Variants in RNF212 observed in about 807,000 individuals in gnomAD.
The protein encoded by RNF212 is probable E3 SUMO-protein ligase RNF212.
In RNF212, 33 loss-of-function variants were observed where a neutral mutation model predicts 34.7. That is an observed-to-expected ratio of 0.95 (90% CI 0.72 to 1.27). The LOEUF (loss-of-function observed/expected upper bound fraction) is 1.27, where lower values mean the gene tolerates loss of function less well. RNF212 is among the 50% of genes most tolerant of loss of function. RNF212 has a pLI of 0.00. For synonymous variants in RNF212, 140 were observed against 136.1 expected (o/e 1.03, Z -0.20); for missense variants, 377 against 362.2 (o/e 1.04, Z -0.33).
intron 4 of RNF212, among the ~76,000 whole-genome samples, chr4:1,058,017 T>C (rs747050608): frequency 3.3e-5 from 5 of 150,654 alleles, no homozygotes; most frequent in Non-Finnish European, 7.4e-5. Context: ...GCCAAGATGG[T>C]GCTACTGCAC....
Position 1,072,720 on chromosome 4 carries a change from T to C in RNF212, c.*154A>G, listed in dbSNP as rs764125145. ...GTCTCTAAAATTCAAAGGTCAAATA[T>C]AAAATTACAAAGCAAATTGGGTAAA... On this transcript the variant is annotated 3_prime_UTR_variant, in exon 10 of 10. Coordinates refer to ENST00000433731, the MANE Select transcript of RNF212 (RefSeq NM_001131034.4). The C allele has an allele frequency of 1.1e-5, 15 of 1,407,630 alleles. No individual in the cohort carries two copies. The highest frequency in any genetic ancestry group is 3.0e-5 in the Admixed American group (1 of 32,800). The allele number at this position is 1,407,630 out of a possible 1,614,324, so 87.2% of individuals were successfully genotyped here. A position where few individuals can be genotyped will look rare whatever the true frequency, so the allele number is the denominator to read the frequency against.
At chr4:1,099,960 T>C (rs2153058958) in intron 2 of RNF212, 1 of 442,690 alleles carries the variant, frequency 2.3e-6, no homozygotes, top group South Asian at 1.6e-5. Flanking sequence ...TCATGGAGGC[T>C]GATGCAGCCA....
chr4:1,065,742 A>C (rs1718051743), intron 3 of RNF212, among the ~76,000 whole-genome samples: 1 of 151,754 alleles, frequency 6.6e-6, no homozygotes, highest in Admixed American at 6.6e-5. Context: ...GTGTGCCACC[A>C]CACCTGGCTA....
intron 4 of RNF212, among the ~76,000 whole-genome samples, chr4:1,056,685 C>T (rs146148253): frequency 1.3e-5 from 2 of 152,340 alleles, no homozygotes; most frequent in African/African-American, 4.8e-5. Context: ...AACATTACTG[C>T]GTTTCTGAAC....
Position 1,072,063 on chromosome 4 carries a change from A to G in RNF212, c.*811T>C, listed in dbSNP as rs1718552587. On this transcript the variant is annotated 3_prime_UTR_variant, in exon 10 of 10. Coordinates refer to ENST00000433731, the MANE Select transcript of RNF212 (RefSeq NM_001131034.4). ...TGGATGAACTATGATACATCCAGAT[A>G]ATGGAATATTATTCAGTGACTGAAA... 1 of 152,348 alleles carries G rather than the reference A, an allele frequency of 6.6e-6. No homozygotes were observed. The highest frequency in any genetic ancestry group is 6.5e-5 in the Admixed American group (1 of 15,308). The allele number at this position is 152,348 out of a possible 1,614,324, so 9.4% of individuals were successfully genotyped here.
intron 8 of RNF212, among the ~76,000 whole-genome samples, chr4:1,074,928 G>A (rs1206623411): frequency 6.6e-6 from 1 of 152,202 alleles, no homozygotes; most frequent in African/African-American, 2.4e-5. Context: ...CATCCGCTAG[G>A]ATGTCTTCAA....
chr4:1,106,768 T>A (rs960197147), intron 2 of RNF212, among the ~76,000 whole-genome samples: 1 of 152,260 alleles, frequency 6.6e-6, no homozygotes, highest in African/African-American at 2.4e-5. Flanking sequence ...AGGCAGGCAC[T>A]GAGCCTCTAA....
At chr4:1,058,361 C>A in exon 4 of RNF212, 3 of 984,848 alleles carry the variant, frequency 3.0e-6, no homozygotes, top group Non-Finnish European at 2.4e-6. Flanking sequence ...GTTGTCAGGC[C>A]GGGATGCTCG....
intron 3 of RNF212, among the ~76,000 whole-genome samples, chr4:1,060,080 C>T (rs1254980544): frequency 8.5e-6 from 1 of 117,852 alleles, no homozygotes; most frequent in Non-Finnish European, 1.7e-5. Context: ...GCCTGGGCAA[C>T]AAGAGCGAAA....
At chr4:1,074,916 T>C (rs79521655) in intron 8 of RNF212, among the ~76,000 whole-genome samples, 1 of 152,148 alleles carries the variant, frequency 6.6e-6, no homozygotes, top group Non-Finnish European at 1.5e-5. Context: ...TCTGGATCCT[T>C]CCATCCGCTA....
At chr4:1,056,582 T>C in intron 4 of RNF212, 1 of 686,778 alleles carries the variant, frequency 1.5e-6, no homozygotes, top group Non-Finnish European at 1.8e-6. Context: ...AAAATGTGTA[T>C]TTTAAAAAAT....
At chr4:1,103,863 T>C (rs888483387) in intron 2 of RNF212, among the ~76,000 whole-genome samples, 1 of 152,316 alleles carries the variant, frequency 6.6e-6, no homozygotes, top group Non-Finnish European at 1.5e-5. Flanking sequence ...TCCTCAGCAC[T>C]GTACTGGAGG....
downstream of RNF212, among the ~76,000 whole-genome samples, chr4:1,069,210 C>CAA (rs33961572): frequency 0.019 from 2,904 of 149,270 alleles, 95 homozygotes; most frequent in African/African-American, 0.062. Context: ...GATTGTGTCT[C>CAA]AAAAAAAAAA....
intron 2 of RNF212, among the ~76,000 whole-genome samples, chr4:1,104,851 C>G (rs1489257927): frequency 6.6e-6 from 1 of 152,160 alleles, no homozygotes; most frequent in Non-Finnish European, 1.5e-5. Context: ...CGGCACGGGG[C>G]AGGACAGCTA....
At chr4:1,087,882 G>A (rs538972332) in intron 4 of RNF212, among the ~76,000 whole-genome samples, 1 of 152,068 alleles carries the variant, frequency 6.6e-6, no homozygotes, top group East Asian at 1.9e-4. Context: ...TTTGCCTTCT[G>A]CCATGATTGT....
chr4:1,059,634 G>C (rs565216390), intron 3 of RNF212, among the ~76,000 whole-genome samples: 2 of 152,350 alleles, frequency 1.3e-5, no homozygotes, highest in African/African-American at 4.8e-5. Context: ...GGGGTCTCTG[G>C]GGAACTATGA....
intron 3 of RNF212, chr4:1,093,420 G>A: frequency 9.8e-6 from 14 of 1,423,480 alleles, no homozygotes; most frequent in Non-Finnish European, 1.3e-5. Context: ...GAGCATAAAT[G>A]TTACAATACC....
At chr4:1,060,579 G>A (rs767825129) in intron 3 of RNF212, among the ~76,000 whole-genome samples, 12 of 152,170 alleles carry the variant, frequency 7.9e-5, no homozygotes, top group Non-Finnish European at 1.5e-4. Context: ...ATCTTCCAGC[G>A]CAGCGGTCTC....
chr4:1,094,009 G>C (rs1342908433), intron 3 of RNF212: 1 of 1,533,210 alleles, frequency 6.5e-7, no homozygotes. Flanking sequence ...GGGAAAGCCT[G>C]AGATACTGTG....
Sources: allele counts gnomAD v4.1 joint callset (sites outside exome capture counted in the v4.1 genomes callset), GRCh38; gene constraint gnomAD v4.1.1; transcripts MANE v1.5; gene names NCBI Gene and HGNC (gene_info 2026-07-23, HGNC 2026-07-21).